DNAH9: variants seen among roughly 807,000 people sequenced by gnomAD.
DNAH9 encodes the protein DNAH9 variant protein.
DNAH9 carries 345 observed loss-of-function variants against 471.6 expected under a neutral mutation model. That is an observed-to-expected ratio of 0.73 (90% CI 0.67 to 0.80). The LOEUF (loss-of-function observed/expected upper bound fraction) is 0.80, where lower values mean the gene tolerates loss of function less well. Among genes scored for constraint, DNAH9 ranks in the 30% least tolerant of loss-of-function variants. The pLI, the probability that DNAH9 is intolerant of heterozygous loss-of-function variation, is 0.00. For missense variants in DNAH9, 5,407 were observed against 5,609.2 expected, an observed-to-expected ratio of 0.96 and a Z score of 1.15; for synonymous variants, 2,093 against 2,123.6, an observed-to-expected ratio of 0.99 and a Z score of 0.40.
At chr17:11,917,789 G>C (rs887980854) in intron 61 of DNAH9, among the ~76,000 whole-genome samples, 4 of 152,118 alleles carry the variant, frequency 2.6e-5, no homozygotes, top group Admixed American at 2.0e-4. Context: ...GTTCTTTGGG[G>C]CAGCTCAGTT....
rs1974735109 is a variant in DNAH9 at position 11,937,050 on chromosome 17, G to A, written c.12490-302G>A. 6.6e-6 allele frequency among the ~76,000 whole-genome samples: 1 copy of A among 152,194 alleles called. No individual in the cohort carries two copies. Among genetic ancestry groups the A allele is most frequent in the Non-Finnish European group, 1.5e-5 (1 of 68,020 alleles). ...CCTCCTCTGGTCTGCAGGAAAAAGA[G>A]TCATCAGGGAGGAGTGGGAGGCATT... On this transcript the variant is annotated intron_variant, in intron 65 of 68. Coordinates refer to ENST00000262442, the MANE Select transcript of DNAH9 (RefSeq NM_001372.4). This position sits in a 1 kb window ranked among gnomAD's most constrained non-coding sequence, Gnocchi z 4.1.
intron 14 of DNAH9, among the ~76,000 whole-genome samples, chr17:11,658,009 A>G (rs2073685866): frequency 6.6e-6 from 1 of 152,076 alleles, no homozygotes. Flanking sequence ...AGTTCTTTAC[A>G]TATCCACATA....
intron 48 of DNAH9, among the ~76,000 whole-genome samples, chr17:11,829,286 A>G (rs1970608369): frequency 6.6e-6 from 1 of 152,164 alleles, no homozygotes. Flanking sequence ...CTTGATTATG[A>G]GAGGTTTTGA....
chr17:11,943,042 C>T (rs1974991984), intron 67 of DNAH9, among the ~76,000 whole-genome samples: 4 of 151,650 alleles, frequency 2.6e-5, no homozygotes, highest in Admixed American at 2.6e-4. Context: ...ACTACAGGTG[C>T]CCGCCACCAC....
intron 51 of DNAH9, among the ~76,000 whole-genome samples, chr17:11,871,124 C>T (rs558941473): frequency 1.3e-5 from 2 of 152,302 alleles, no homozygotes; most frequent in Non-Finnish European, 2.9e-5. Flanking sequence ...CCATGCTTCT[C>T]TGTGTCTCAA....
intron 40 of DNAH9, among the ~76,000 whole-genome samples, chr17:11,784,003 C>T (rs955726066): frequency 6.6e-6 from 1 of 152,102 alleles, no homozygotes; most frequent in African/African-American, 2.4e-5. Context: ...AGATGAATGA[C>T]TTTCCCAGGG....
At chr17:11,692,484 A>T (rs1031556736) in intron 20 of DNAH9, among the ~76,000 whole-genome samples, 1 of 152,206 alleles carries the variant, frequency 6.6e-6, no homozygotes, top group Admixed American at 6.5e-5. Flanking sequence ...TTTTGACATC[A>T]AAGGAGTATA....
chr17:11,745,621 A>G (rs921691463), intron 31 of DNAH9, among the ~76,000 whole-genome samples: 6 of 152,224 alleles, frequency 3.9e-5, no homozygotes, highest in Non-Finnish European at 7.3e-5. Flanking sequence ...AAAAACAGCC[A>G]GTGAAAATAA....
intron 26 of DNAH9, among the ~76,000 whole-genome samples, chr17:11,718,212 A>C (rs1385858218): frequency 6.6e-6 from 1 of 152,168 alleles, no homozygotes; most frequent in Non-Finnish European, 1.5e-5. Context: ...GGCTTCTTTC[A>C]CTTAGCATAA....
rs766788032 is a variant in DNAH9 at position 11,629,541 on chromosome 17, T to A, written c.1475T>A (p.Leu492His). Residue 492 changes from leucine (L) to histidine (H), a missense_variant, in exon 7 of 69, where the codon CTT (leucine) becomes CAT (histidine). Physicochemically the swap from Leu to His is moderately conservative, Grantham distance 99 (BLOSUM62 -3). This residue lies in a region of DNAH9 where 767 missense variants were observed against 692.5 expected (regional missense o/e 1.11). Coordinates refer to ENST00000262442, the MANE Select transcript of DNAH9 (RefSeq NM_001372.4). The stretch of plus-strand genomic sequence containing the variant: ...GAAGAATTTCAAGAGATGTACAGGC[T>A]TCTCTCAGGATCCTCCTCCGACTGC... ...MHEEFQEMYR[L>H]LSGSSSDCLY... The A allele has an allele frequency of 6.2e-7, 1 of 1,614,120 alleles. No individual in the cohort carries two copies. Among genetic ancestry groups the A allele is most frequent in the Admixed American group, 1.7e-5 (1 of 60,016 alleles).
chr17:11,642,716 C>G (rs570241543), intron 10 of DNAH9, among the ~76,000 whole-genome samples: 6 of 152,344 alleles, frequency 3.9e-5, no homozygotes, highest in Non-Finnish European at 8.8e-5. Context: ...AAGCCTCACT[C>G]TGCTCTGGCC....
In DNAH9 at chr17:11,769,244, A is replaced by C. The variant is rs1466245213; in HGVS notation, c.7467A>C (p.Gly2489=). ...TAGTGKSVLV[G]AKLASLDPEA... is the part of the protein sequence containing the mutation. The stretch of plus-strand genomic sequence containing the variant: ...GCACTGGCAAGTCGGTGCTGGTGGG[A>C]GCTAAGCTGGCCAGCCTTGACCCCG... The change falls in exon 38 of 69, where the codon GGA becomes GGC. Residue 2489 remains glycine, a synonymous_variant. Coordinates refer to ENST00000262442, the MANE Select transcript of DNAH9 (RefSeq NM_001372.4). 3.7e-6 allele frequency: 6 copies of C among 1,613,978 alleles called. No homozygotes were observed. In the South Asian group the frequency reaches 6.6e-5, roughly 18 times the overall value.
At chr17:11,931,879 T>C in intron 63 of DNAH9, 135 bp from the exon 64 acceptor site, 1 of 954,012 alleles carries the variant, frequency 1.0e-6, no homozygotes, top group Non-Finnish European at 1.6e-6. Context: ...CAGGCTGTAG[T>C]CTCGCTGTAA....
chr17:11,602,023 G>C (rs2072396994), intron 1 of DNAH9, among the ~76,000 whole-genome samples: 1 of 152,172 alleles, frequency 6.6e-6, no homozygotes, highest in Admixed American at 6.5e-5. Context: ...ACAGAATTTA[G>C]TAACTTGTTC....
At chr17:11,673,880 A>G (rs1365030345) in intron 17 of DNAH9, among the ~76,000 whole-genome samples, 2 of 152,134 alleles carry the variant, frequency 1.3e-5, no homozygotes, top group African/African-American at 4.8e-5. Context: ...ACACATGTGT[A>G]TGCATATGGA....
intron 30 of DNAH9, 102 bp downstream of exon 30, chr17:11,742,415 T>C: frequency 8.4e-7 from 1 of 1,185,452 alleles, no homozygotes. Flanking sequence ...TCAAGCTTTC[T>C]CATAGAAAGT....
At chr17:11,784,588 A>T (rs1475916554) in intron 41 of DNAH9, 49 bp downstream of exon 41, 5 of 1,611,820 alleles carry the variant, frequency 3.1e-6, no homozygotes, top group Non-Finnish European at 4.2e-6. Flanking sequence ...GATTATCCAG[A>T]TGCTCCGATT....
intron 60 of DNAH9, among the ~76,000 whole-genome samples, chr17:11,903,481 C>T (rs1973484033): frequency 6.6e-6 from 1 of 151,992 alleles, no homozygotes; most frequent in African/African-American, 2.4e-5. Flanking sequence ...TTGAATAGTA[C>T]ACTTAAAATG....
chr17:11,785,003 A>G (rs1968812120), intron 41 of DNAH9, among the ~76,000 whole-genome samples: 1 of 152,172 alleles, frequency 6.6e-6, no homozygotes, highest in Non-Finnish European at 1.5e-5. Flanking sequence ...CTAAGATGCC[A>G]TCTGCCAGCC....
Sources: allele counts gnomAD v4.1 joint callset (sites outside exome capture counted in the v4.1 genomes callset), GRCh38; gene constraint gnomAD v4.1.1; regional missense constraint gnomAD v4.1.1; non-coding constraint Gnocchi (gnomAD v3.1); transcripts MANE v1.5; gene names NCBI Gene and HGNC (gene_info 2026-07-23, HGNC 2026-07-21).